KCNH5: variants seen among roughly 807,000 people sequenced by gnomAD.
KCNH5 encodes potassium voltage-gated channel subfamily H member 5.
Under a neutral mutation model 96.1 loss-of-function variants are expected in KCNH5, and 46 were observed. The ratio of observed to expected loss-of-function variants is 0.48; its 90% confidence interval spans 0.38 to 0.61. The LOEUF is 0.61. KCNH5 is among the 20% of genes least tolerant of loss of function. The pLI, the probability that KCNH5 is intolerant of heterozygous loss-of-function variation, is 0.00. For synonymous variants in KCNH5, 439 were observed against 449.8 expected, an observed-to-expected ratio of 0.98 and a Z score of 0.30; for missense variants, 907 against 1,225.8, an observed-to-expected ratio of 0.74 and a Z score of 3.88.
chr14:62,754,723 A>G (rs1402852183), intron 10 of KCNH5, among the ~76,000 whole-genome samples: 2 of 151,670 alleles, frequency 1.3e-5, no homozygotes, highest in African/African-American at 2.4e-5. Flanking sequence ...AATACAAAAA[A>G]AAATAGTCAA....
intron 6 of KCNH5, among the ~76,000 whole-genome samples, chr14:62,979,160 T>C (rs1238927960): frequency 6.6e-6 from 1 of 152,216 alleles, no homozygotes; most frequent in East Asian, 1.9e-4. Flanking sequence ...ATACTCTAAA[T>C]AACTAAAATC....
At chr14:62,715,516 C>T (rs1164652760) in intron 10 of KCNH5, among the ~76,000 whole-genome samples, 1 of 152,128 alleles carries the variant, frequency 6.6e-6, no homozygotes, top group East Asian at 1.9e-4. Flanking sequence ...TTCAATGCTA[C>T]CATGTATATA....
At chr14:62,711,765 C>G (rs1340355871) in intron 10 of KCNH5, among the ~76,000 whole-genome samples, 1 of 152,188 alleles carries the variant, frequency 6.6e-6, no homozygotes, top group African/African-American at 2.4e-5. Context: ...AGCCACTGAA[C>G]GTACTCATTT....
intron 10 of KCNH5, among the ~76,000 whole-genome samples, chr14:62,735,827 A>T (rs1044558264): frequency 4.6e-5 from 7 of 152,232 alleles, no homozygotes; most frequent in African/African-American, 1.7e-4. Flanking sequence ...ATCCAATATG[A>T]CTGATGTCCT....
In KCNH5 at chr14:62,868,312, C is replaced by T. The variant is rs182982653; in HGVS notation, c.1370-18460G>A. ...ACTACAGTGTCTGACATGCTGCAGA[C>T]ATTCAACAATTTTACTCAATTCATA... is the stretch of plus-strand genomic sequence containing the variant. On this transcript the variant is annotated intron_variant, in intron 7 of 10. Transcript: ENST00000322893. Among the ~76,000 whole-genome samples, 92 of 152,330 alleles carry T rather than the reference C, an allele frequency of 6.0e-4. 2 individuals are homozygous for T. In the East Asian group the frequency reaches 0.017, roughly 28 times the overall value.
intron 10 of KCNH5, among the ~76,000 whole-genome samples, chr14:62,764,167 C>G (rs1423282372): frequency 6.6e-6 from 1 of 152,124 alleles, no homozygotes; most frequent in Non-Finnish European, 1.5e-5. Context: ...CATCAAAAAG[C>G]TAATCCATCA....
At chr14:62,748,302 C>T (rs1595604978) in intron 10 of KCNH5, among the ~76,000 whole-genome samples, 1 of 152,160 alleles carries the variant, frequency 6.6e-6, no homozygotes, top group African/African-American at 2.4e-5. Flanking sequence ...TTCCTAATTA[C>T]TATATTTTGC....
At chr14:62,954,042 C>T (rs1890054811) in intron 6 of KCNH5, among the ~76,000 whole-genome samples, 1 of 152,214 alleles carries the variant, frequency 6.6e-6, no homozygotes, top group South Asian at 2.1e-4. Context: ...ATCTCTCCTG[C>T]CAATTCCTCC....
chr14:62,704,017 A>G lies in KCNH5; in HGVS notation c.*3491T>C, dbSNP rs941163337. The G allele has an allele frequency of 1.3e-5, 2 of 151,966 alleles. No homozygotes were observed. The highest frequency in any genetic ancestry group is 6.6e-5 in the Admixed American group (1 of 15,250). 9.4% of individuals were successfully genotyped at this position (151,966 alleles called of 1,614,324 possible). ...AGATATCAAATGGACCAGATATCAC[A>G]GGGTGAACAAAATCTCCTTAAACAG... On this transcript the variant is annotated 3_prime_UTR_variant, in exon 11 of 11. Transcript: ENST00000322893.
At chr14:62,904,019 T>G (rs938103880) in intron 7 of KCNH5, among the ~76,000 whole-genome samples, 1 of 152,164 alleles carries the variant, frequency 6.6e-6, no homozygotes, top group Non-Finnish European at 1.5e-5. Flanking sequence ...TTGGTTCAAT[T>G]AAGAGTGTGA....
intron 10 of KCNH5, among the ~76,000 whole-genome samples, chr14:62,727,710 C>T (rs558125884): frequency 5.2e-4 from 78 of 149,030 alleles, no homozygotes; most frequent in African/African-American, 1.9e-3. Context: ...CCCCTAATCA[C>T]ATGCAGGGCT....
intron 6 of KCNH5, among the ~76,000 whole-genome samples, chr14:62,958,969 C>A (rs114683829): frequency 0.015 from 2,287 of 152,108 alleles, 57 homozygotes; most frequent in African/African-American, 0.052. Flanking sequence ...CATCTCATGT[C>A]CCTCTCATTA....
At chr14:62,820,404 T>C (rs549729363) in intron 8 of KCNH5, among the ~76,000 whole-genome samples, 1 of 150,996 alleles carries the variant, frequency 6.6e-6, no homozygotes, top group South Asian at 2.1e-4. Context: ...TGGAGTGCAG[T>C]GGGGGTTTGT....
chr14:62,885,003 A>G (rs528804409), intron 7 of KCNH5, among the ~76,000 whole-genome samples: 27 of 152,318 alleles, frequency 1.8e-4, no homozygotes, highest in African/African-American at 6.3e-4. Context: ...AAAAACAACA[A>G]CGATCTCAAA....
chr14:62,822,767 G>C (rs1357587512), intron 8 of KCNH5, among the ~76,000 whole-genome samples: 1 of 151,466 alleles, frequency 6.6e-6, no homozygotes, highest in Non-Finnish European at 1.5e-5. Flanking sequence ...TCCATAAAAT[G>C]AATTTTATCG....
chr14:62,925,857 A>G (rs1889466379), intron 7 of KCNH5, among the ~76,000 whole-genome samples: 1 of 152,124 alleles, frequency 6.6e-6, no homozygotes, highest in South Asian at 2.1e-4. Context: ...AAAATTAAAG[A>G]AGAAAGAAAT....
intron 10 of KCNH5, among the ~76,000 whole-genome samples, chr14:62,767,917 GA>G (rs1159855901): frequency 2.0e-5 from 3 of 152,078 alleles, no homozygotes; most frequent in Non-Finnish European, 1.5e-5. Context: ...AACATAGATG[GA>G]ACTGGAGGCC....
At position 62,779,920 on chromosome 14, in the gene KCNH5, C is replaced by T. The variant is rs1886174353; in HGVS notation, c.1827G>A (p.Lys609=). The change falls in exon 10 of 11, where the codon AAG becomes AAA. Residue 609 remains lysine (K), a synonymous_variant. Transcript: ENST00000322893. Reference sequence around the variant, plus strand: ...AGAAGATGTCTCCAAATACATCACCCTTCCCTAGAAAACAGTATAAGATAC... The same window carrying T: ...AGAAGATGTCTCCAAATACATCACCTTTCCCTAGAAAACAGTATAAGATAC... ...QDDEVVAILG[K]GDVFGDIFWK... 5 of 1,611,358 alleles carry T rather than the reference C, an allele frequency of 3.1e-6. No individual in the cohort carries two copies. The highest frequency in any genetic ancestry group is 3.4e-6 in the Non-Finnish European group (4 of 1,178,726).
chr14:62,868,219 C>G (rs887512305), intron 7 of KCNH5, among the ~76,000 whole-genome samples: 7 of 152,202 alleles, frequency 4.6e-5, no homozygotes, highest in African/African-American at 1.7e-4. Context: ...CTCAAGCCTT[C>G]CACATTCTTC....
Sources: allele counts gnomAD v4.1 joint callset (sites outside exome capture counted in the v4.1 genomes callset), GRCh38; gene constraint gnomAD v4.1.1; transcripts MANE v1.5; gene names NCBI Gene and HGNC (gene_info 2026-07-23, HGNC 2026-07-21).